SCAMP4: variants seen among roughly 807,000 people sequenced by gnomAD.
SCAMP4 encodes secretory carrier-associated membrane protein 4.
In SCAMP4, 19 loss-of-function variants were observed where a neutral mutation model predicts 32.1. The ratio of observed to expected loss-of-function variants is 0.59; its 90% CI spans 0.41 to 0.87. The LOEUF (loss-of-function observed/expected upper bound fraction) is 0.87. Ranked by LOEUF, SCAMP4 falls within the 40% of genes least tolerant of loss-of-function variation. The pLI is 0.00. For missense variants in SCAMP4, 302 were observed against 309.0 expected (o/e 0.98, Z 0.17); for synonymous variants, 152 against 132.7 (o/e 1.15, Z -1.00).
intron 1 of SCAMP4, chr19:1,913,352 G>A (rs1213978531): frequency 6.4e-6 from 5 of 782,218 alleles, no homozygotes; most frequent in African/African-American, 3.6e-5. Flanking sequence ...CCGTGCCAGC[G>A]GTGCCCTTCT....
chr19:1,922,916 C>T, intron 5 of SCAMP4, 154 bp from the exon 6 acceptor site: 7 of 1,355,424 alleles, frequency 5.2e-6, no homozygotes, highest in Non-Finnish European at 6.6e-6. Context: ...CTCAGTATCG[C>T]TTTATGTTTG....
At chr19:1,921,448 CA>C (rs2145458698) in intron 5 of SCAMP4, 2 of 985,416 alleles carry the variant, frequency 2.0e-6, no homozygotes, top group Non-Finnish European at 2.4e-6. Flanking sequence ...CACGGTGCAG[CA>C]GGGGCCCCCG....
At chr19:1,917,192 G>A (rs1003875828) in intron 2 of SCAMP4, among the ~76,000 whole-genome samples, 4 of 152,096 alleles carry the variant, frequency 2.6e-5, no homozygotes, top group African/African-American at 9.7e-5. Context: ...TGTAATCCCA[G>A]CTACTTGGGA....
At chr19:1,906,866 T>TTTGTGTGTGTGTG (rs1555836654) in intron 1 of SCAMP4, 6 of 130,084 alleles carry the variant, frequency 4.6e-5, no homozygotes, top group African/African-American at 1.2e-4. Flanking sequence ...AAAAAAAAAA[T>TTTGTGTGTGTGTG]TGTGTGTGTG....
intron 1 of SCAMP4, among the ~76,000 whole-genome samples, chr19:1,910,944 G>A (rs910447395): frequency 6.6e-6 from 1 of 151,624 alleles, no homozygotes; most frequent in Non-Finnish European, 1.5e-5. Context: ...TCGGCTCAAT[G>A]TAACCTGCGC....
chr19:1,921,317 C>T (rs939705842), intron 5 of SCAMP4: 44 of 985,346 alleles, frequency 4.5e-5, no homozygotes, highest in Non-Finnish European at 5.3e-5. Flanking sequence ...TGCCCGAGGC[C>T]ATGAGCCACG....
intron 1 of SCAMP4, 23 bp downstream of exon 1, chr19:1,905,462 T>A: frequency 2.2e-6 from 1 of 455,674 alleles, no homozygotes; most frequent in Non-Finnish European, 4.6e-6. Context: ...CCCCGAGGTC[T>A]CGGGTTCTCC....
intron 5 of SCAMP4, chr19:1,921,915 AG>A: frequency 1.0e-6 from 1 of 985,430 alleles, no homozygotes; most frequent in East Asian, 1.1e-4. Flanking sequence ...AGCATCTTGC[AG>A]GGACGCGGCG....
At chr19:1,923,652 T>C (rs1940356419) in intron 6 of SCAMP4, among the ~76,000 whole-genome samples, 1 of 126,520 alleles carries the variant, frequency 7.9e-6, no homozygotes, top group Admixed American at 9.8e-5. Context: ...AGAGTCTCGC[T>C]CTGTCACCCA....
rs2013259843 is a variant in SCAMP4 at position 1,908,484 on chromosome 19, C to T, written c.-42+3045C>T. The T allele has an allele frequency of 2.1e-6, 1 of 470,928 alleles. No individual in the cohort carries two copies. The highest frequency in any genetic ancestry group is 6.9e-5 in the East Asian group (1 of 14,400). 29.2% of individuals were successfully genotyped at this position (470,928 alleles called of 1,614,324 possible). On this transcript the variant is annotated intron_variant, in intron 1 of 6. Transcript: ENST00000316097. The surrounding 1 kb of genome is among the most constrained non-coding windows in gnomAD (Gnocchi z 4.2). ...AAATGATCCAGAGACACATCCCTGT[C>T]TGCGGGAGGAGCCGTCCATACCAGC...
chr19:1,921,335 C>T, intron 5 of SCAMP4: 1 of 985,468 alleles, frequency 1.0e-6, no homozygotes, highest in Non-Finnish European at 1.2e-6. Flanking sequence ...ACGGCAGCAT[C>T]TGTGGTGGCA....
chr19:1,912,187 T>C (rs766628438), intron 1 of SCAMP4: 1 of 1,582,670 alleles, frequency 6.3e-7, no homozygotes, highest in Non-Finnish European at 8.6e-7. Context: ...GCCCTCCCTG[T>C]CCTGTCCGAG....
intron 2 of SCAMP4, among the ~76,000 whole-genome samples, 183 bp from the exon 3 acceptor site, chr19:1,917,511 C>T (rs2013771373): frequency 6.6e-6 from 1 of 152,164 alleles, no homozygotes; most frequent in African/African-American, 2.4e-5. Flanking sequence ...GACTCCCACC[C>T]TCCCGTCTCC....
chr19:1,921,598 T>C, intron 5 of SCAMP4: 1 of 985,442 alleles, frequency 1.0e-6, no homozygotes. Context: ...AGTGGGAAGC[T>C]GCGGGGGCGG....
In SCAMP4 at chr19:1,923,156, C is replaced by T. The variant is rs201575102; in HGVS notation, c.482C>T (p.Ser161Leu). 2,568 of 1,551,134 alleles carry T rather than the reference C, an allele frequency of 1.7e-3. 21 individuals carry two copies. Among genetic ancestry groups the T allele is most frequent in the Middle Eastern group, 0.01 (62 of 5,988 alleles). Residue 161 changes from serine to leucine, a missense_variant, in exon 6 of 7, where the codon TCG (serine) becomes TTG (leucine). Physicochemically the swap from Ser to Leu is moderately radical, Grantham distance 145. Coordinates refer to ENST00000316097, the MANE Select transcript of SCAMP4 (RefSeq NM_079834.4). Reference sequence around the variant, plus strand: ...CTTCCAGCCATCATGTTCTCCGTGTCGGCTGCCATGATGGCCATCGCGATC... The same window carrying T: ...CTTCCAGCCATCATGTTCTCCGTGTTGGCTGCCATGATGGCCATCGCGATC... ...MLLPAIMFSV[S>L]AAMMAIAIMK...
chr19:1,915,147 C>G, intron 2 of SCAMP4, 121 bp downstream of exon 2: 3 of 1,217,096 alleles, frequency 2.5e-6, no homozygotes, highest in South Asian at 2.5e-5. Flanking sequence ...CACCTGGCCT[C>G]TGACTCCTCG....
At position 1,912,807 on chromosome 19, in the gene SCAMP4, C is replaced by G. The variant is rs778969688; in HGVS notation, c.-41-2172C>G. 35 of 1,580,178 alleles carry G rather than the reference C, an allele frequency of 2.2e-5. No homozygotes were observed. In the East Asian group the frequency reaches 7.8e-4, roughly 35 times the overall value. On this transcript the variant is annotated intron_variant, in intron 1 of 6. Coordinates refer to ENST00000316097, the MANE Select transcript of SCAMP4 (RefSeq NM_079834.4). The stretch of plus-strand genomic sequence containing the variant: ...GGACCTCGTGGCGCGCGGCCAGGGC[C>G]GCGGCACCTACGACTTCAGACCCTT...
intron 1 of SCAMP4, among the ~76,000 whole-genome samples, chr19:1,910,993 A>C (rs1040228747): frequency 2.6e-5 from 4 of 151,932 alleles, no homozygotes; most frequent in African/African-American, 7.3e-5. Context: ...TGCAAGCCTC[A>C]GCCTCCCTAG....
At position 1,918,754 on chromosome 19, in the gene SCAMP4, TCCA is replaced by T. The variant is rs1773533008; in HGVS notation, c.294-134_294-132del. On this transcript the variant is annotated intron_variant, in intron 4 of 6. Transcript: ENST00000316097. ...TCCAGCCTGGGCGACAGAGTGAGAC[TCCA>T]TCTCAAAAAAAAAAAAAAAGGAATA... 2.4e-5 allele frequency: 31 copies of T among 1,286,560 alleles called. No homozygotes were observed. In the South Asian group the frequency reaches 4.8e-4, roughly 20 times the overall value. 79.7% of individuals were successfully genotyped at this position (1,286,560 alleles called of 1,614,324 possible).
Sources: gnomAD v4.1 joint callset for allele counts (sites outside exome capture counted in the v4.1 genomes callset) on GRCh38, gnomAD v4.1.1 for gene constraint, Gnocchi (gnomAD v3.1) non-coding constraint, MANE v1.5 for transcripts, NCBI Gene and HGNC (gene_info 2026-07-23, HGNC 2026-07-21) for gene names.